Variants in GLDC observed in about 807,000 individuals in gnomAD.
The protein encoded by GLDC is glycine decarboxylase.
In GLDC, 104 loss-of-function variants were observed where a neutral mutation model predicts 121.3. The observed-to-expected ratio is 0.86, with a 90% CI of 0.73 to 1.01. The LOEUF (loss-of-function observed/expected upper bound fraction) is 1.01. GLDC is among the 50% of genes least tolerant of loss of function. The probability of loss-of-function intolerance (pLI) is 0.00; values close to 1 mark genes in which losing one functional copy is unlikely to be tolerated. For synonymous variants in GLDC, 546 were observed against 480.6 expected, an observed-to-expected ratio of 1.14 and a Z score of -1.78; for missense variants, 1,429 against 1,306.6, an observed-to-expected ratio of 1.09 and a Z score of -1.44.
intron 8 of GLDC, among the ~76,000 whole-genome samples, chr9:6,599,934 A>G (rs1297492473): frequency 6.6e-6 from 1 of 152,090 alleles, no homozygotes; most frequent in Non-Finnish European, 1.5e-5. Context: ...AACCAACTAT[A>G]AGAAGATCTT....
At chr9:6,550,944 C>T (rs1817501077) in intron 20 of GLDC, 30 bp from the exon 21 acceptor site, 1 of 1,397,218 alleles carries the variant, frequency 7.2e-7, no homozygotes, top group Non-Finnish European at 1.0e-6. Context: ...AGCCATTAGC[C>T]ATTGAACAGG....
chr9:6,589,323 A>C (rs1159292549), intron 11 of GLDC, 31 bp from the exon 12 acceptor site: 1 of 1,378,020 alleles, frequency 7.3e-7, no homozygotes, highest in Non-Finnish European at 1.0e-6. Context: ...TGATAGGGCC[A>C]GAACTGTGCC....
At chr9:6,594,091 C>T (rs1818440128) in intron 9 of GLDC, among the ~76,000 whole-genome samples, 2 of 152,122 alleles carry the variant, frequency 1.3e-5, no homozygotes, top group African/African-American at 4.8e-5. Context: ...TCCAGAGTAG[C>T]TGACATTACA....
At chr9:6,623,530 G>A (rs1406656319) in intron 2 of GLDC, among the ~76,000 whole-genome samples, 1 of 150,676 alleles carries the variant, frequency 6.6e-6, no homozygotes, top group Non-Finnish European at 1.5e-5. Context: ...TTGTTCACTT[G>A]TTTATCTGCT....
At chr9:6,629,933 A>ATATATATG (rs1554650744) in intron 2 of GLDC, among the ~76,000 whole-genome samples, 2 of 88,688 alleles carry the variant, frequency 2.3e-5, no homozygotes, top group African/African-American at 7.8e-5. Context: ...TTTTCACTAT[A>ATATATATG]TATATATATA....
intron 16 of GLDC, among the ~76,000 whole-genome samples, chr9:6,563,372 G>A (rs917889746): frequency 2.6e-5 from 4 of 152,352 alleles, no homozygotes; most frequent in Admixed American, 2.0e-4. Context: ...TGCAAACACT[G>A]CTTTCTGCGG....
At chr9:6,604,039 T>A (rs112007780) in intron 7 of GLDC, among the ~76,000 whole-genome samples, 1 of 152,150 alleles carries the variant, frequency 6.6e-6, no homozygotes, top group Admixed American at 6.5e-5. Context: ...TTTTTTTCTT[T>A]TCTTTTCTTT....
At chr9:6,581,889 G>A (rs756339102) in intron 15 of GLDC, among the ~76,000 whole-genome samples, 3 of 152,098 alleles carry the variant, frequency 2.0e-5, no homozygotes, top group Non-Finnish European at 4.4e-5. Flanking sequence ...GGAATGATAG[G>A]TAATGTTTGC....
At chr9:6,576,566 A>G (rs1818069409) in intron 15 of GLDC, among the ~76,000 whole-genome samples, 2 of 152,100 alleles carry the variant, frequency 1.3e-5, no homozygotes, top group South Asian at 4.1e-4. Flanking sequence ...TCCCAGGTTC[A>G]AGCAATTGTC....
chr9:6,599,061 G>C lies in GLDC; in HGVS notation c.1155+3048C>G, dbSNP rs570247898. Among the ~76,000 whole-genome samples the C allele has an allele frequency of 3.3e-5, 5 of 152,130 alleles. No individual in the cohort carries two copies. The East Asian group carries it at 9.7e-4, about 29-fold the overall frequency. ...TAGCCAGGCATGGTCGTGGGTGCCT[G>C]TAATCCCAGCTACTCAGGAGGCTGA... On this transcript the variant is annotated intron_variant, in intron 8 of 24. Coordinates refer to ENST00000321612, the MANE Select transcript of GLDC (RefSeq NM_000170.3).
chr9:6,593,823 G>C (rs1196631442), intron 9 of GLDC, among the ~76,000 whole-genome samples: 1 of 151,824 alleles, frequency 6.6e-6, no homozygotes, highest in East Asian at 1.9e-4. Flanking sequence ...CTCCCGAGTA[G>C]CTGGGACTAC....
At chr9:6,552,930 C>A (rs1050322600) in intron 20 of GLDC, among the ~76,000 whole-genome samples, 4 of 102,338 alleles carry the variant, frequency 3.9e-5, no homozygotes, top group African/African-American at 1.5e-4. Context: ...TCTCCTCTGG[C>A]CCCCCCCAAG....
At position 6,533,117 on chromosome 9, in the gene GLDC, C is replaced by G. The variant is rs749512886; in HGVS notation, c.2963G>C (p.Arg988Pro). ...PENKFWPTIA[R>P]IDDIYGDQHL... is the part of the protein sequence containing the mutation. ...CTGATCTCCATATATGTCATCAATC[C>G]GGGCAATCGTTGGCCAGAATTTGTT... The change falls in exon 25 of 25, where the codon CGG becomes CCG. Residue 988 changes from arginine (R) to proline (P), a missense_variant. Transcript: ENST00000321612. 6.2e-7 allele frequency: 1 copy of G among 1,612,248 alleles called. No homozygotes were observed. Among genetic ancestry groups the G allele is most frequent in the Admixed American group, 1.7e-5 (1 of 59,986 alleles).
intron 2 of GLDC, among the ~76,000 whole-genome samples, chr9:6,632,590 G>C (rs1418791252): frequency 6.6e-6 from 1 of 152,236 alleles, no homozygotes; most frequent in Non-Finnish European, 1.5e-5. Flanking sequence ...AGTGCTATTT[G>C]ATGGAGTGGG....
intron 21 of GLDC, among the ~76,000 whole-genome samples, chr9:6,543,808 G>A (rs1480054852): frequency 6.6e-6 from 1 of 151,946 alleles, no homozygotes; most frequent in East Asian, 1.9e-4. Context: ...CCAACTTTTC[G>A]TGTTAACAGA....
At chr9:6,559,626 C>T (rs1392503826) in intron 16 of GLDC, among the ~76,000 whole-genome samples, 9 of 151,428 alleles carry the variant, frequency 5.9e-5, no homozygotes, top group Admixed American at 5.9e-4. Context: ...ACCAGCCTGG[C>T]CAACATGGCG....
Position 6,556,175 on chromosome 9 carries a change from T to C in GLDC, c.2180A>G (p.Asp727Gly). The C allele has an allele frequency of 6.2e-7, 1 of 1,613,298 alleles. No homozygotes were observed. The highest frequency in any genetic ancestry group is 8.5e-7 in the Non-Finnish European group (1 of 1,179,578). ...CACCTGAGCATTCATATTTGCCCCG[T>C]CTAGGTAGACCTGTCCTCCATGTTG... ...IHQHGGQVYL[D>G]GANMNAQVGI... Residue 727 changes from aspartate (D) to glycine (G), a missense_variant, in exon 18 of 25, where the codon GAC (aspartate) becomes GGC (glycine). By Grantham distance (94) the Asp-to-Gly change is moderately conservative. Transcript: ENST00000321612.
intron 9 of GLDC, among the ~76,000 whole-genome samples, chr9:6,593,877 G>T (rs183785411): frequency 6.6e-6 from 1 of 151,364 alleles, no homozygotes; most frequent in Non-Finnish European, 1.5e-5. Context: ...ATTTTTAGTA[G>T]AGACAGGGTT....
intron 3 of GLDC, among the ~76,000 whole-genome samples, chr9:6,618,476 T>A (rs976686915): frequency 6.6e-5 from 10 of 152,106 alleles, no homozygotes; most frequent in African/African-American, 2.4e-4. Flanking sequence ...CCCAGCTAAT[T>A]TTGTATTTTT....
Sources: gnomAD v4.1 joint callset for allele counts (sites outside exome capture counted in the v4.1 genomes callset) on GRCh38, gnomAD v4.1.1 for gene constraint, MANE v1.5 for transcripts, NCBI Gene and HGNC (gene_info 2026-07-23, HGNC 2026-07-21) for gene names.